Variants in DGKB observed in about 807,000 individuals in gnomAD.
DGKB encodes the protein diacylglycerol kinase beta, also known as 90 kDa diacylglycerol kinase.
DGKB carries 67 observed loss-of-function variants against 114.3 expected under a neutral mutation model. That is an observed-to-expected ratio of 0.59 (90% CI 0.48 to 0.72). DGKB has a LOEUF of 0.72. DGKB is among the 30% of genes least tolerant of loss of function. The pLI is 0.00. For missense variants in DGKB, 907 were observed against 975.2 expected (o/e 0.93, Z 0.93); for synonymous variants, 398 against 323.1 (o/e 1.23, Z -2.49).
chr7:14,502,757 A>T (rs1786401380), intron 20 of DGKB, among the ~76,000 whole-genome samples: 1 of 152,092 alleles, frequency 6.6e-6, no homozygotes, highest in Non-Finnish European at 1.5e-5. Context: ...TCTATATAAC[A>T]CTATTCTCTT....
Position 14,868,632 on chromosome 7 carries a change from C to T in DGKB, c.-187-27182G>A, listed in dbSNP as rs1384608442. ...GCTCTGCCCCTCATCCCAATTTCTT[C>T]TCACTTCTTCCCTTTAACTCTCCCC... On this transcript the variant is annotated intron_variant, in intron 1 of 25. Transcript: ENST00000402815. Among the ~76,000 whole-genome samples, 3 of 152,118 alleles carry T rather than the reference C, an allele frequency of 2.0e-5. No individual in the cohort carries two copies. In the East Asian group the frequency reaches 5.8e-4, roughly 29 times the overall value.
intron 25 of DGKB, among the ~76,000 whole-genome samples, chr7:14,175,702 C>G (rs1439941023): frequency 6.6e-6 from 1 of 152,028 alleles, no homozygotes; most frequent in Non-Finnish European, 1.5e-5. Context: ...AGCTCTTTAC[C>G]GTCAATTTTT....
intron 1 of DGKB, among the ~76,000 whole-genome samples, chr7:14,956,516 T>A (rs929908241): frequency 1.3e-5 from 2 of 152,012 alleles, no homozygotes; most frequent in African/African-American, 4.8e-5. Context: ...TGGGCTCATA[T>A]CTTTAGGGGA....
chr7:14,483,655 A>G (rs1317193959), intron 20 of DGKB, among the ~76,000 whole-genome samples: 1 of 152,150 alleles, frequency 6.6e-6, no homozygotes, highest in Non-Finnish European at 1.5e-5. Context: ...TTTTGAAAAT[A>G]TGATTAATAA....
At chr7:14,765,216 G>C (rs1308189359) in intron 2 of DGKB, among the ~76,000 whole-genome samples, 1 of 151,898 alleles carries the variant, frequency 6.6e-6, no homozygotes, top group African/African-American at 2.4e-5. Context: ...TCAGGTCTTT[G>C]CTCCAGGCTC....
At chr7:14,210,130 A>G (rs115208936) in intron 23 of DGKB, among the ~76,000 whole-genome samples, 2,763 of 152,188 alleles carry the variant, frequency 0.018, 76 homozygotes, top group African/African-American at 0.062. Context: ...GGAAATTTCA[A>G]TACAGCTTGA....
At chr7:14,402,895 C>CT (rs377645116) in intron 21 of DGKB, among the ~76,000 whole-genome samples, 26 of 152,046 alleles carry the variant, frequency 1.7e-4, no homozygotes, top group African/African-American at 6.3e-4. Context: ...AAAATTCTGT[C>CT]TGAGTTCCTA....
chr7:14,416,135 A>G (rs1163052158), intron 21 of DGKB, among the ~76,000 whole-genome samples: 1 of 151,754 alleles, frequency 6.6e-6, no homozygotes, highest in East Asian at 1.9e-4. Context: ...TTTTTCTTGT[A>G]AATTTGTTTG....
intron 21 of DGKB, among the ~76,000 whole-genome samples, chr7:14,355,981 T>G (rs930022154): frequency 2.0e-5 from 3 of 152,164 alleles, no homozygotes; most frequent in Non-Finnish European, 2.9e-5. Context: ...TTCACGGATT[T>G]GACTTATTCC....
chr7:14,779,960 T>G (rs1285931886), intron 2 of DGKB, among the ~76,000 whole-genome samples: 2 of 152,218 alleles, frequency 1.3e-5, no homozygotes, highest in Non-Finnish European at 2.9e-5. Flanking sequence ...TATACCTTTA[T>G]TTTTACATTT....
intron 2 of DGKB, among the ~76,000 whole-genome samples, chr7:14,809,218 T>A (rs917505098): frequency 3.3e-5 from 5 of 152,098 alleles, no homozygotes; most frequent in African/African-American, 1.2e-4. Context: ...ATCAGGCACT[T>A]AATAGTATTT....
chr7:14,781,372 G>C (rs1158193948), intron 2 of DGKB, among the ~76,000 whole-genome samples: 1 of 152,116 alleles, frequency 6.6e-6, no homozygotes, highest in African/African-American at 2.4e-5. Context: ...CTTTACACCA[G>C]CTGAATGCAA....
intron 17 of DGKB, among the ~76,000 whole-genome samples, chr7:14,587,009 C>A (rs998747323): frequency 6.6e-6 from 1 of 152,090 alleles, no homozygotes; most frequent in South Asian, 2.1e-4. Context: ...AGGAGTAATT[C>A]AACTTTCAAG....
At chr7:14,280,982 A>C (rs1799855716) in intron 23 of DGKB, among the ~76,000 whole-genome samples, 1 of 151,740 alleles carries the variant, frequency 6.6e-6, no homozygotes, top group Non-Finnish European at 1.5e-5. Context: ...CTAACATCAT[A>C]ATGACAGCAT....
chr7:14,529,530 A>G (rs572481826), intron 20 of DGKB, among the ~76,000 whole-genome samples: 1 of 151,960 alleles, frequency 6.6e-6, no homozygotes, highest in East Asian at 1.9e-4. Flanking sequence ...AAGGTATGGA[A>G]CTCTAAAATG....
At chr7:14,440,043 G>C (rs1426151549) in intron 21 of DGKB, among the ~76,000 whole-genome samples, 2 of 151,948 alleles carry the variant, frequency 1.3e-5, no homozygotes, top group African/African-American at 2.4e-5. Flanking sequence ...TTCAAAAAAG[G>C]GTCCAGGGAA....
intron 23 of DGKB, among the ~76,000 whole-genome samples, chr7:14,258,630 A>G (rs937764435): frequency 6.6e-6 from 1 of 152,200 alleles, no homozygotes; most frequent in Non-Finnish European, 1.5e-5. Flanking sequence ...CCCCAGAGAC[A>G]GCAAATGCAG....
At chr7:14,749,228 C>T (rs1426050750) in intron 4 of DGKB, among the ~76,000 whole-genome samples, 1 of 152,112 alleles carries the variant, frequency 6.6e-6, no homozygotes. Flanking sequence ...GCTTATCTTG[C>T]ACTGCAATTG....
intron 2 of DGKB, among the ~76,000 whole-genome samples, chr7:14,840,579 C>T (rs1225389064): frequency 6.6e-6 from 1 of 152,098 alleles, no homozygotes; most frequent in South Asian, 2.1e-4. Flanking sequence ...TCACTTGTAT[C>T]AATGCACACA....
Sources: allele counts gnomAD v4.1 joint callset (sites outside exome capture counted in the v4.1 genomes callset), GRCh38; gene constraint gnomAD v4.1.1; transcripts MANE v1.5; gene names NCBI Gene and HGNC (gene_info 2026-07-23, HGNC 2026-07-21).